The following IL19 variants were observed in gnomAD, a reference collection of about 807,000 sequenced individuals.
IL19 encodes interleukin 19, also known as interleukin-19.
IL19 carries 15 observed loss-of-function variants against 19.5 expected under a neutral mutation model. That is an observed-to-expected ratio of 0.77 (90% CI 0.52 to 1.19). IL19 has a LOEUF of 1.19. Among genes scored for constraint, IL19 ranks in the 50% most tolerant of loss-of-function variants. IL19 has a pLI of 0.00. For missense variants in IL19, 199 were observed against 213.1 expected (o/e 0.93, Z 0.41); for synonymous variants, 78 against 78.3 (o/e 1.00, Z 0.02).
At chr1:206,774,109 C>T (rs1457647179) in intron 1 of IL19, among the ~76,000 whole-genome samples, 1 of 152,206 alleles carries the variant, frequency 6.6e-6, no homozygotes, top group Non-Finnish European at 1.5e-5. Context: ...GCAAGGGGTG[C>T]AAACACCTTG....
At chr1:206,825,419 T>G (rs1676403045) in intron 2 of IL19, among the ~76,000 whole-genome samples, 1 of 152,234 alleles carries the variant, frequency 6.6e-6, no homozygotes, top group African/African-American at 2.4e-5. Context: ...TAATAACTCT[T>G]CAATATCTAT....
intron 2 of IL19, among the ~76,000 whole-genome samples, chr1:206,817,303 T>C (rs548133248): frequency 9.2e-5 from 14 of 152,348 alleles, no homozygotes; most frequent in African/African-American, 2.9e-4. Context: ...TCTCAGAATC[T>C]ACCCCCTGAA....
chr1:206,814,211 C>T (rs1676089341), intron 2 of IL19, among the ~76,000 whole-genome samples: 1 of 151,930 alleles, frequency 6.6e-6, no homozygotes, highest in African/African-American at 2.4e-5. Context: ...TCAATAAAGA[C>T]TCCTATACTA....
chr1:206,796,759 A>C (rs935969910), intron 1 of IL19, among the ~76,000 whole-genome samples: 5 of 152,186 alleles, frequency 3.3e-5, no homozygotes, highest in African/African-American at 1.2e-4. Flanking sequence ...ACAATGACAA[A>C]ACCTCCTAAT....
chr1:206,840,146 G>A (rs1162190365), intron 5 of IL19, 144 bp downstream of exon 5: 2 of 924,760 alleles, frequency 2.2e-6, no homozygotes, highest in South Asian at 1.4e-5. Context: ...GAACTGTGGA[G>A]AACCTCTCCC....
intron 2 of IL19, among the ~76,000 whole-genome samples, chr1:206,803,699 G>A (rs1472298240): frequency 6.6e-6 from 1 of 152,200 alleles, no homozygotes. Flanking sequence ...GGACATAGGA[G>A]TGATCTGCTT....
At chr1:206,798,780 T>C in intron 1 of IL19, 81 bp from the exon 2 acceptor site, 1 of 704,986 alleles carries the variant, frequency 1.4e-6, no homozygotes, top group Non-Finnish European at 2.4e-6. Flanking sequence ...TGTGTGCACT[T>C]TTGCCGACCT....
intron 2 of IL19, among the ~76,000 whole-genome samples, chr1:206,823,207 A>C (rs115763573): frequency 0.018 from 2,737 of 152,154 alleles, 39 homozygotes; most frequent in Middle Eastern, 0.058. Context: ...TGGGAGGCAT[A>C]TGCCACCGCA....
intron 1 of IL19, chr1:206,772,391 C>T: frequency 2.5e-6 from 4 of 1,614,050 alleles, no homozygotes; most frequent in Non-Finnish European, 2.5e-6. Flanking sequence ...TGGCCCTCAC[C>T]CCAGTCAGGA....
intron 1 of IL19, among the ~76,000 whole-genome samples, chr1:206,792,320 G>C (rs1255979626): frequency 6.6e-6 from 1 of 152,028 alleles, no homozygotes; most frequent in African/African-American, 2.4e-5. Context: ...ATACCCCTCT[G>C]CCCCTCCATT....
intron 1 of IL19, among the ~76,000 whole-genome samples, chr1:206,792,844 T>C (rs559178197): frequency 6.6e-6 from 1 of 152,332 alleles, no homozygotes; most frequent in East Asian, 1.9e-4. Flanking sequence ...ACACAGCTGA[T>C]AAGTGTCAGA....
chr1:206,797,227 G>A (rs1675546384), intron 1 of IL19, among the ~76,000 whole-genome samples: 1 of 152,138 alleles, frequency 6.6e-6, no homozygotes, highest in Non-Finnish European at 1.5e-5. Flanking sequence ...ATTTCACCAG[G>A]GCCCCATGGG....
chr1:206,831,429 A>C (rs1454084768), intron 2 of IL19, among the ~76,000 whole-genome samples: 3 of 152,188 alleles, frequency 2.0e-5, no homozygotes, highest in Non-Finnish European at 4.4e-5. Context: ...TTCATAATTG[A>C]ATTGCAATCC....
At position 206,837,784 on chromosome 1, in the gene IL19, C is replaced by G. The variant is rs188648353; in HGVS notation, c.210+761C>G. Among the ~76,000 whole-genome samples the G allele has an allele frequency of 1.1e-4, 16 of 152,194 alleles. No homozygotes were observed. In the East Asian group the frequency reaches 3.1e-3, roughly 29 times the overall value. ...GGAGGATTGCTTGAGCCTGGGAGGTCAAAGCTGCAGTGAGCCATGATTGTG... is the reference window on the plus strand; with the variant it reads ...GGAGGATTGCTTGAGCCTGGGAGGTGAAAGCTGCAGTGAGCCATGATTGTG... On this transcript the variant is annotated intron_variant, in intron 4 of 6. Coordinates refer to ENST00000659997, the MANE Select transcript of IL19 (RefSeq NM_153758.5).
At chr1:206,780,101 A>G (rs1675096697) in intron 1 of IL19, among the ~76,000 whole-genome samples, 1 of 152,070 alleles carries the variant, frequency 6.6e-6, no homozygotes, top group African/African-American at 2.4e-5. Context: ...TCCTTAAATG[A>G]GTTCATCATT....
At chr1:206,804,544 CTG>C (rs1418406104) in intron 2 of IL19, among the ~76,000 whole-genome samples, 28 of 152,168 alleles carry the variant, frequency 1.8e-4, no homozygotes, top group Non-Finnish European at 8.8e-5. Flanking sequence ...GAGTCATAGG[CTG>C]TGTCTTTAAG....
At position 206,781,440 on chromosome 1, in the gene IL19, AAAAAAAAAG is replaced by A. The variant is rs1439325552; in HGVS notation, c.-149+10373_-149+10381del. 5.5e-5 allele frequency among the ~76,000 whole-genome samples: 8 copies of A among 144,980 alleles called. No homozygotes were observed. In the East Asian group the frequency reaches 1.4e-3, roughly 25 times the overall value. On this transcript the variant is annotated intron_variant, in intron 1 of 6. Transcript: ENST00000659997. ...AAAAAAAAAAAAAAAAAAAAAAAAG[AAAAAAAAAG>A]AAAAAAAAGAGAGAGAGGAGGAAGT... is the stretch of plus-strand genomic sequence containing the variant.
chr1:206,790,744 C>G (rs1032023974), intron 1 of IL19, among the ~76,000 whole-genome samples: 6 of 152,166 alleles, frequency 3.9e-5, no homozygotes, highest in Non-Finnish European at 7.3e-5. Flanking sequence ...CCATTGCCCC[C>G]CACTGCCCAG....
chr1:206,787,763 G>A (rs965909845), intron 1 of IL19, among the ~76,000 whole-genome samples: 1 of 152,222 alleles, frequency 6.6e-6, no homozygotes, highest in Non-Finnish European at 1.5e-5. Context: ...CTGTGGTCTT[G>A]TCTTTGACTC....
Sources: gnomAD v4.1 joint callset for allele counts (sites outside exome capture counted in the v4.1 genomes callset) on GRCh38, gnomAD v4.1.1 for gene constraint, MANE v1.5 for transcripts, NCBI Gene and HGNC (gene_info 2026-07-23, HGNC 2026-07-21) for gene names.